The following ERG variants were observed in gnomAD, a reference collection of about 807,000 sequenced individuals.
ERG encodes the protein transcriptional regulator ERG.
A neutral mutation model predicts 55.3 loss-of-function variants in ERG; 9 were observed. That is an observed-to-expected ratio of 0.16 (90% CI 0.10 to 0.28). The LOEUF is 0.28. ERG is among the 10% of genes least tolerant of loss of function. ERG has a pLI of 1.00. For missense variants in ERG, 434 were observed against 631.6 expected, an observed-to-expected ratio of 0.69 and a Z score of 3.35; for synonymous variants, 223 against 237.3, an observed-to-expected ratio of 0.94 and a Z score of 0.55.
At position 38,498,454 on chromosome 21, in the gene ERG, T is replaced by A; in HGVS notation, c.-74A>T. On this transcript the variant is annotated 5_prime_UTR_variant, in exon 1 of 10. Transcript: ENST00000288319. The surrounding 1 kb of genome is among the most constrained non-coding windows in gnomAD (Gnocchi z 4.6). ...GCTTCTCTCTGACCAGAAAGTAGTT[T>A]TGATGAGGTTGTTTAGAGCGGATGA... The A allele has an allele frequency of 6.3e-7, 1 of 1,583,560 alleles. No homozygotes were observed. The highest frequency in any genetic ancestry group is 1.4e-5 in the African/African-American group (1 of 73,526).
chr21:38,523,941 C>A (rs1156668482), intron 2 of ERG, among the ~76,000 whole-genome samples: 3 of 152,208 alleles, frequency 2.0e-5, no homozygotes, highest in Non-Finnish European at 4.4e-5. Flanking sequence ...AAAGGCAAGA[C>A]TGCGATTTAA....
rs949706846 is a variant in ERG at position 38,602,518 on chromosome 21, T to C, written c.-149-17573A>G. 2.6e-5 allele frequency among the ~76,000 whole-genome samples: 4 copies of C among 151,920 alleles called. 1 individual carries two copies. On this transcript the variant is annotated intron_variant, in intron 1 of 10. Transcript: ENST00000398910. ...AAACACCAGATATTCAAACATCAAA[T>C]GACTTGATAAATGTGGACTTTAACG... is the stretch of plus-strand genomic sequence containing the variant.
chr21:38,380,022 C>G, downstream of ERG: 1 of 1,011,484 alleles, frequency 9.9e-7, no homozygotes, highest in Non-Finnish European at 1.2e-6. Context: ...AAAGAAGGCA[C>G]AGAATTTGGT....
chr21:38,655,088 C>A (rs772069299), intron 1 of ERG, among the ~76,000 whole-genome samples: 1 of 152,142 alleles, frequency 6.6e-6, no homozygotes, highest in Non-Finnish European at 1.5e-5. Flanking sequence ...CAAAACATTT[C>A]ATTTTGCTAG....
At chr21:38,625,915 C>CTTTTTTTTTTT (rs397797559) in intron 1 of ERG, among the ~76,000 whole-genome samples, 1 of 84,430 alleles carries the variant, frequency 1.2e-5, no homozygotes, top group Admixed American at 1.6e-4. Flanking sequence ...ACTTGAAGCT[C>CTTTTTTTTTTT]TTTTTTTTTT....
intron 1 of ERG, among the ~76,000 whole-genome samples, chr21:38,634,318 G>A (rs1160683945): frequency 2.0e-5 from 3 of 152,184 alleles, no homozygotes; most frequent in Non-Finnish European, 4.4e-5. Flanking sequence ...GGAGGGAAAA[G>A]TAGATACGAT....
At position 38,537,583 on chromosome 21, in the gene ERG, T is replaced by G. The variant is rs186037655; in HGVS notation, c.-41+38079A>C. Among the ~76,000 whole-genome samples, 269 of 152,226 alleles carry G rather than the reference T, an allele frequency of 1.8e-3. 3 individuals are homozygous for G. The highest frequency in any genetic ancestry group is 6.4e-3 in the African/African-American group (265 of 41,512). On this transcript the variant is annotated intron_variant, in intron 2 of 8. Coordinates refer to the ERG transcript ENST00000398897. ...TAAGTACATGAAATTATGCTCAACA[T>G]CACTAATCATTGGGAAAATGCAACT... is the stretch of plus-strand genomic sequence containing the variant.
chr21:38,592,156 A>G (rs572807434), intron 1 of ERG, among the ~76,000 whole-genome samples: 1 of 152,356 alleles, frequency 6.6e-6, no homozygotes, highest in South Asian at 2.1e-4. Context: ...GATTTGAAGC[A>G]CTTGGTCATT....
chr21:38,491,800 T>G (rs2059338661), intron 1 of ERG, among the ~76,000 whole-genome samples: 1 of 152,182 alleles, frequency 6.6e-6, no homozygotes, highest in Non-Finnish European at 1.5e-5. Flanking sequence ...TGAGGAAATT[T>G]AAATCAGCAG....
chr21:38,392,924 G>A (rs937670999), intron 6 of ERG, among the ~76,000 whole-genome samples: 11 of 152,040 alleles, frequency 7.2e-5, no homozygotes, highest in South Asian at 6.2e-4. Context: ...GGAAGTGATC[G>A]CTGCCTTATC....
chr21:38,593,668 G>C (rs573286410), intron 1 of ERG, among the ~76,000 whole-genome samples: 1 of 152,114 alleles, frequency 6.6e-6, no homozygotes, highest in African/African-American at 2.4e-5. Flanking sequence ...TACTTCTGAG[G>C]TTATATATAA....
At chr21:38,415,842 C>T (rs1989255108) in intron 3 of ERG, among the ~76,000 whole-genome samples, 1 of 152,028 alleles carries the variant, frequency 6.6e-6, no homozygotes. Context: ...CTTGATAAAT[C>T]ACATTTACTC....
chr21:38,497,754 T>A (rs1305177322), intron 1 of ERG, among the ~76,000 whole-genome samples: 2 of 152,104 alleles, frequency 1.3e-5, no homozygotes, highest in Admixed American at 6.5e-5. Context: ...GCACAGACAG[T>A]AGGTATTTTA....
At chr21:38,435,126 A>G (rs1990389075) in intron 2 of ERG, among the ~76,000 whole-genome samples, 1 of 152,182 alleles carries the variant, frequency 6.6e-6, no homozygotes, top group African/African-American at 2.4e-5. Flanking sequence ...GAGAACCCCC[A>G]CAAGGAGGCT....
chr21:38,539,353 T>G (rs1016483668), intron 2 of ERG, among the ~76,000 whole-genome samples: 2 of 152,198 alleles, frequency 1.3e-5, no homozygotes, highest in Admixed American at 6.5e-5. Context: ...AAGTATCTCA[T>G]TAGTCATTTT....
intron 1 of ERG, among the ~76,000 whole-genome samples, chr21:38,582,377 C>T (rs945242718): frequency 2.0e-5 from 3 of 152,196 alleles, no homozygotes; most frequent in African/African-American, 7.2e-5. Context: ...CTGAATTGAA[C>T]TGTTGGACAC....
intron 2 of ERG, among the ~76,000 whole-genome samples, chr21:38,559,028 C>T (rs2059875856): frequency 2.0e-5 from 3 of 152,154 alleles, no homozygotes; most frequent in Admixed American, 2.0e-4. Context: ...CTTTTGCATG[C>T]ACAGGGCAGA....
At chr21:38,640,860 G>T (rs1453042302) in intron 1 of ERG, among the ~76,000 whole-genome samples, 1 of 152,206 alleles carries the variant, frequency 6.6e-6, no homozygotes, top group African/African-American at 2.4e-5. Flanking sequence ...TTACCTCTAG[G>T]AAAGGGGGCT....
chr21:38,606,602 ATAAAGT>A (rs1406802290), intron 1 of ERG, among the ~76,000 whole-genome samples: 1 of 152,244 alleles, frequency 6.6e-6, no homozygotes, highest in African/African-American at 2.4e-5. Context: ...AAAAGCATCT[ATAAAGT>A]TAATTTAAAA....
Sources: gnomAD v4.1 joint callset for allele counts (sites outside exome capture counted in the v4.1 genomes callset) on GRCh38, gnomAD v4.1.1 for gene constraint, Gnocchi (gnomAD v3.1) non-coding constraint, MANE v1.5 for transcripts, NCBI Gene and HGNC (gene_info 2026-07-23, HGNC 2026-07-21) for gene names.